Variants in PPP3R1 observed in about 807,000 individuals in gnomAD.
PPP3R1 encodes the protein calcineurin subunit B type 1.
A neutral mutation model predicts 22.6 loss-of-function variants in PPP3R1; 5 were observed. That is an observed-to-expected ratio of 0.22 (90% CI 0.12 to 0.46). The LOEUF is 0.46. Among genes scored for constraint, PPP3R1 ranks in the 20% least tolerant of loss-of-function variants. The pLI, the probability that PPP3R1 is intolerant of heterozygous loss-of-function variation, is 0.99. For synonymous variants in PPP3R1, 56 were observed against 65.2 expected, an observed-to-expected ratio of 0.86 and a Z score of 0.68; for missense variants, 61 against 203.2, an observed-to-expected ratio of 0.30 and a Z score of 4.25.
intron 2 of PPP3R1, among the ~76,000 whole-genome samples, chr2:68,216,085 T>C (rs1251259700): frequency 1.3e-5 from 2 of 152,138 alleles, no homozygotes; most frequent in Non-Finnish European, 2.9e-5. Flanking sequence ...CTGTATTTTT[T>C]AAAGGGATGG....
chr2:68,247,315 CCTT>C (rs1181035383), intron 1 of PPP3R1, among the ~76,000 whole-genome samples: 1 of 152,202 alleles, frequency 6.6e-6, no homozygotes, highest in Non-Finnish European at 1.5e-5. Context: ...TCCCCCAAAA[CCTT>C]CTTCTCCTAC....
chr2:68,245,377 A>T (rs1452626763), intron 1 of PPP3R1, among the ~76,000 whole-genome samples: 1 of 152,182 alleles, frequency 6.6e-6, no homozygotes, highest in Non-Finnish European at 1.5e-5. Context: ...AGAAAAAAAA[A>T]TTATTCAGTT....
At chr2:68,201,160 CTTATT>C (rs1280202853) in intron 2 of PPP3R1, among the ~76,000 whole-genome samples, 3 of 152,134 alleles carry the variant, frequency 2.0e-5, no homozygotes, top group Non-Finnish European at 2.9e-5. Flanking sequence ...AGATCTTCCT[CTTATT>C]TTATCTACTG....
intron 1 of PPP3R1, among the ~76,000 whole-genome samples, chr2:68,242,137 A>C (rs1322353691): frequency 3.9e-5 from 6 of 152,206 alleles, no homozygotes; most frequent in African/African-American, 1.2e-4. Context: ...GGACTGAAAA[A>C]CAAGAAATGC....
chr2:68,216,575 A>G (rs916009276), intron 2 of PPP3R1, among the ~76,000 whole-genome samples: 11 of 152,186 alleles, frequency 7.2e-5, no homozygotes, highest in African/African-American at 2.7e-4. Flanking sequence ...CAGTGGCTGC[A>G]TAACTAGCTC....
intron 1 of PPP3R1, among the ~76,000 whole-genome samples, chr2:68,249,713 A>G (rs1670304790): frequency 6.6e-6 from 1 of 152,042 alleles, no homozygotes; most frequent in Non-Finnish European, 1.5e-5. Context: ...AGGGAGGGAA[A>G]GACTTTAACT....
At chr2:68,206,789 T>C (rs2103754673) in intron 2 of PPP3R1, among the ~76,000 whole-genome samples, 1 of 152,296 alleles carries the variant, frequency 6.6e-6, no homozygotes, top group Middle Eastern at 3.4e-3. Context: ...TACTTATCTG[T>C]GTGGCACAGG....
intron 2 of PPP3R1, among the ~76,000 whole-genome samples, chr2:68,207,648 TA>T (rs1183838948): frequency 6.6e-6 from 1 of 152,102 alleles, no homozygotes; most frequent in African/African-American, 2.4e-5. Context: ...GACTGAGAAA[TA>T]AAAAATTAAT....
intron 1 of PPP3R1, among the ~76,000 whole-genome samples, chr2:68,226,593 T>C (rs929997565): frequency 2.0e-5 from 3 of 152,146 alleles, no homozygotes; most frequent in Non-Finnish European, 4.4e-5. Context: ...CCAAAAACTA[T>C]TTACACTTAC....
intron 1 of PPP3R1, among the ~76,000 whole-genome samples, chr2:68,239,832 A>T: frequency 6.6e-6 from 1 of 152,164 alleles, no homozygotes; most frequent in South Asian, 2.1e-4. Context: ...TTACATAATC[A>T]CTGCCTAGCT....
intron 2 of PPP3R1, among the ~76,000 whole-genome samples, chr2:68,208,325 G>C (rs1669378995): frequency 1.3e-5 from 2 of 152,212 alleles, no homozygotes; most frequent in South Asian, 4.1e-4. Context: ...TAGTCTACAA[G>C]AGGGTTCAGT....
chr2:68,199,894 A>C (rs1314853619), intron 2 of PPP3R1, among the ~76,000 whole-genome samples: 1 of 152,146 alleles, frequency 6.6e-6, no homozygotes, highest in Non-Finnish European at 1.5e-5. Context: ...TTTATATTCC[A>C]TATTGATTTT....
chr2:68,218,218 A>G (rs1669615990), intron 1 of PPP3R1, among the ~76,000 whole-genome samples: 1 of 152,088 alleles, frequency 6.6e-6, no homozygotes, highest in South Asian at 2.1e-4. Context: ...GCATATTTAA[A>G]TATATATCTT....
intron 2 of PPP3R1, among the ~76,000 whole-genome samples, chr2:68,206,774 G>A (rs1329995043): frequency 6.6e-6 from 1 of 152,098 alleles, no homozygotes; most frequent in Non-Finnish European, 1.5e-5. Flanking sequence ...TACTTGGTAG[G>A]TGCTTACTTA....
At chr2:68,245,196 C>T (rs1192605645) in intron 1 of PPP3R1, among the ~76,000 whole-genome samples, 1 of 152,064 alleles carries the variant, frequency 6.6e-6, no homozygotes, top group Non-Finnish European at 1.5e-5. Context: ...CATGGCAAGA[C>T]CCTGTCTCCA....
At chr2:68,232,223 A>ATGTG (rs76815812) in intron 1 of PPP3R1, among the ~76,000 whole-genome samples, 466 of 45,744 alleles carry the variant, frequency 0.01, 3 homozygotes, top group South Asian at 0.024. Flanking sequence ...ATATGTATAT[A>ATGTG]TGTGTGTGTG....
At chr2:68,216,915 C>G (rs1669589555) in intron 2 of PPP3R1, among the ~76,000 whole-genome samples, 177 bp downstream of exon 2, 1 of 151,946 alleles carries the variant, frequency 6.6e-6, no homozygotes, top group Admixed American at 6.6e-5. Context: ...ACTCTGGTAA[C>G]ATAAATAGAC....
At chr2:68,187,433 G>A (rs988533210) in intron 3 of PPP3R1, 119 bp from the exon 4 acceptor site, 21 of 824,780 alleles carry the variant, frequency 2.5e-5, no homozygotes, top group Admixed American at 1.2e-4. Flanking sequence ...AGTACTACTA[G>A]CAACGTTTAA....
chr2:68,198,200 A>G (rs938978900), intron 2 of PPP3R1, among the ~76,000 whole-genome samples: 8 of 144,610 alleles, frequency 5.5e-5, no homozygotes, highest in African/African-American at 2.0e-4. Flanking sequence ...ATATTTACAT[A>G]TATGTGCATA....
Sources: gnomAD v4.1 joint callset for allele counts (sites outside exome capture counted in the v4.1 genomes callset) on GRCh38, gnomAD v4.1.1 for gene constraint, MANE v1.5 for transcripts, NCBI Gene and HGNC (gene_info 2026-07-23, HGNC 2026-07-21) for gene names.